TMEM132D: variants seen among roughly 807,000 people sequenced by gnomAD.
The protein encoded by TMEM132D is mature OL transmembrane protein.
In TMEM132D, 21 loss-of-function variants were observed where a neutral mutation model predicts 62.3. That is an observed-to-expected ratio of 0.34 (90% CI 0.24 to 0.49). The LOEUF is 0.49. TMEM132D is among the 20% of genes least tolerant of loss of function. The pLI is 0.99. For synonymous variants in TMEM132D, 621 were observed against 575.6 expected (o/e 1.08, Z -1.13); for missense variants, 1,346 against 1,402.8 (o/e 0.96, Z 0.65).
chr12:129,255,591 C>T (rs939367121), intron 4 of TMEM132D, among the ~76,000 whole-genome samples: 2 of 152,176 alleles, frequency 1.3e-5, no homozygotes, highest in African/African-American at 2.4e-5. Flanking sequence ...GGACATTTTG[C>T]ATGGTACATA....
At chr12:129,534,700 G>A (rs1166778868) in intron 2 of TMEM132D, among the ~76,000 whole-genome samples, 1 of 152,096 alleles carries the variant, frequency 6.6e-6, no homozygotes, top group Non-Finnish European at 1.5e-5. Context: ...CTGGACAAAA[G>A]GTGGACACAT....
chr12:129,425,200 G>A (rs1872457345), intron 3 of TMEM132D, among the ~76,000 whole-genome samples: 1 of 152,180 alleles, frequency 6.6e-6, no homozygotes, highest in Admixed American at 6.5e-5. Context: ...ATGAATAATG[G>A]TGCTAAGGAC....
intron 2 of TMEM132D, among the ~76,000 whole-genome samples, chr12:129,673,563 T>A (rs1404848301): frequency 6.6e-6 from 1 of 152,090 alleles, no homozygotes; most frequent in Non-Finnish European, 1.5e-5. Context: ...TAGCCCCCAT[T>A]CTCCTAGTCT....
chr12:129,715,034 TAG>T, intron 1 of TMEM132D, among the ~76,000 whole-genome samples: 1 of 152,322 alleles, frequency 6.6e-6, no homozygotes, highest in South Asian at 2.1e-4. Context: ...TTAAAACTAG[TAG>T]AGTGTTACAT....
intron 3 of TMEM132D, among the ~76,000 whole-genome samples, chr12:129,350,457 A>G (rs554580163): frequency 6.6e-6 from 1 of 152,328 alleles, no homozygotes; most frequent in East Asian, 1.9e-4. Context: ...CCCACAGGCC[A>G]ACGGAACACA....
intron 1 of TMEM132D, among the ~76,000 whole-genome samples, chr12:129,792,849 T>C (rs943144356): frequency 1.3e-5 from 2 of 152,252 alleles, no homozygotes; most frequent in African/African-American, 4.8e-5. Context: ...CCTATAACTA[T>C]TGAATTTCCA....
chr12:129,626,814 C>T (rs1390993117), intron 2 of TMEM132D, among the ~76,000 whole-genome samples: 3 of 152,050 alleles, frequency 2.0e-5, no homozygotes, highest in Non-Finnish European at 4.4e-5. Flanking sequence ...TTTTAATTTT[C>T]TCATGGCTTT....
chr12:129,089,975 A>C (rs187093691), intron 5 of TMEM132D, among the ~76,000 whole-genome samples: 2 of 152,350 alleles, frequency 1.3e-5, no homozygotes, highest in Admixed American at 1.3e-4. Flanking sequence ...AAGGGGTGTG[A>C]GGAAAAGCAC....
At chr12:129,147,635 G>A (rs774239950) in intron 5 of TMEM132D, among the ~76,000 whole-genome samples, 9 of 152,044 alleles carry the variant, frequency 5.9e-5, no homozygotes, top group Non-Finnish European at 7.3e-5. Context: ...CAACGTATTC[G>A]TGTTAGACAT....
chr12:129,228,027 G>A (rs942679414), intron 4 of TMEM132D, among the ~76,000 whole-genome samples: 2 of 152,162 alleles, frequency 1.3e-5, no homozygotes, highest in Non-Finnish European at 2.9e-5. Context: ...GGACATCGAC[G>A]CTGTGTACAA....
chr12:129,330,258 C>T (rs1049809988), intron 4 of TMEM132D, among the ~76,000 whole-genome samples: 18 of 152,164 alleles, frequency 1.2e-4, no homozygotes, highest in Non-Finnish European at 2.4e-4. Flanking sequence ...CCTACTCATG[C>T]TAATGAGAAA....
At chr12:129,503,066 G>A (rs991847753) in intron 3 of TMEM132D, among the ~76,000 whole-genome samples, 3 of 152,166 alleles carry the variant, frequency 2.0e-5, no homozygotes, top group Non-Finnish European at 4.4e-5. Flanking sequence ...GAATGAAAAG[G>A]GGAATGAGTG....
chr12:129,100,169 T>G (rs375268499), intron 5 of TMEM132D, among the ~76,000 whole-genome samples: 6 of 152,196 alleles, frequency 3.9e-5, no homozygotes, highest in African/African-American at 1.4e-4. Context: ...GCCTCCTGAG[T>G]ATGTGGAATT....
intron 1 of TMEM132D, among the ~76,000 whole-genome samples, chr12:129,837,077 T>A (rs192890675): frequency 6.6e-6 from 1 of 152,216 alleles, no homozygotes; most frequent in Middle Eastern, 3.2e-3. Flanking sequence ...TTGTTGTCGA[T>A]AAACAGCGCT....
Position 129,633,849 on chromosome 12 carries a change from C to G in TMEM132D, c.968+65961G>C, listed in dbSNP as rs538931586. 5.9e-5 allele frequency among the ~76,000 whole-genome samples: 9 copies of G among 152,232 alleles called. No homozygotes were observed. The East Asian group carries it at 7.7e-4, about 13-fold the overall frequency. ...GAAGGCAAACACAGTGGATTTGGAG[C>G]CTTTTGCTCCTGAAACTTAAAAATG... On this transcript the variant is annotated intron_variant, in intron 2 of 8. Coordinates refer to ENST00000422113, the MANE Select transcript of TMEM132D (RefSeq NM_133448.3).
chr12:129,516,472 A>T lies in TMEM132D; in HGVS notation c.1115+14587T>A, dbSNP rs1963542. Among the ~76,000 whole-genome samples the T allele has an allele frequency of 9.9e-5, 15 of 152,204 alleles. No individual in the cohort carries two copies. In the South Asian group the frequency reaches 1.2e-3, roughly 13 times the overall value. ...AATCATGGCAGAAGGTGAAAGGCACATCTTACATGGTGGCAGACAGGAGAG... is the reference window on the plus strand; with the variant it reads ...AATCATGGCAGAAGGTGAAAGGCACTTCTTACATGGTGGCAGACAGGAGAG... On this transcript the variant is annotated intron_variant, in intron 3 of 8. Coordinates refer to ENST00000422113, the MANE Select transcript of TMEM132D (RefSeq NM_133448.3).
At chr12:129,619,097 A>G (rs535264651) in intron 2 of TMEM132D, among the ~76,000 whole-genome samples, 38 of 152,272 alleles carry the variant, frequency 2.5e-4, no homozygotes, top group African/African-American at 9.1e-4. Context: ...TCGATTGTAA[A>G]TGTTTCTTAT....
chr12:129,321,414 G>A (rs1868700924), intron 4 of TMEM132D, among the ~76,000 whole-genome samples: 1 of 152,178 alleles, frequency 6.6e-6, no homozygotes, highest in Non-Finnish European at 1.5e-5. Flanking sequence ...CGTCTTGAGA[G>A]CCTCACTTAT....
intron 5 of TMEM132D, among the ~76,000 whole-genome samples, chr12:129,088,565 CTGACCGGGTGTCCTCCA>C (rs1874756548): frequency 4.1e-5 from 1 of 24,122 alleles, no homozygotes; most frequent in Non-Finnish European, 6.8e-5. Flanking sequence ...GGTGTCCTCC[CTGACCGGGTGTCCTCCA>C]TGACCGGGGT....
Sources: gnomAD v4.1 joint callset for allele counts (sites outside exome capture counted in the v4.1 genomes callset) on GRCh38, gnomAD v4.1.1 for gene constraint, MANE v1.5 for transcripts, NCBI Gene and HGNC (gene_info 2026-07-23, HGNC 2026-07-21) for gene names.